The following IPCEF1 variants were observed in gnomAD, a reference collection of about 807,000 sequenced individuals.
IPCEF1 encodes interactor protein for cytohesin exchange factors 1.
In IPCEF1, 31 loss-of-function variants were observed where a neutral mutation model predicts 50.9. That is an observed-to-expected ratio of 0.61 (90% CI 0.46 to 0.82). IPCEF1 has a LOEUF of 0.82. Ranked by LOEUF, IPCEF1 falls within the 40% of genes least tolerant of loss-of-function variation. The probability of loss-of-function intolerance (pLI) is 0.00; values close to 1 mark genes in which losing one functional copy is unlikely to be tolerated. For synonymous variants in IPCEF1, 181 were observed against 192.0 expected, an observed-to-expected ratio of 0.94 and a Z score of 0.47; for missense variants, 458 against 514.0, an observed-to-expected ratio of 0.89 and a Z score of 1.05.
chr6:154,325,992 G>A (rs1322356880), intron 1 of IPCEF1, among the ~76,000 whole-genome samples: 8 of 152,036 alleles, frequency 5.3e-5, no homozygotes, highest in Non-Finnish European at 1.2e-4. Flanking sequence ...TTGGGAGGCC[G>A]AGGCAGGTGG....
chr6:154,289,905 G>A (rs183911248), intron 1 of IPCEF1, 149 bp from the exon 2 acceptor site: 6 of 152,182 alleles, frequency 3.9e-5, no homozygotes, highest in South Asian at 2.1e-4. Flanking sequence ...GTTGATCATC[G>A]TGATAATGTT....
intron 1 of IPCEF1, among the ~76,000 whole-genome samples, chr6:154,297,767 C>T (rs1782700344): frequency 6.6e-6 from 1 of 152,172 alleles, no homozygotes; most frequent in African/African-American, 2.4e-5. Flanking sequence ...AGTTTTGTGT[C>T]TGCAAGGCCT....
chr6:154,220,668 T>A (rs540892577), intron 7 of IPCEF1, among the ~76,000 whole-genome samples: 1 of 152,212 alleles, frequency 6.6e-6, no homozygotes, highest in African/African-American at 2.4e-5. Context: ...AAATAACAGC[T>A]ATTGTGATCA....
At chr6:154,251,858 A>G (rs1781344980) in intron 3 of IPCEF1, among the ~76,000 whole-genome samples, 1 of 152,112 alleles carries the variant, frequency 6.6e-6, no homozygotes, top group African/African-American at 2.4e-5. Context: ...GAGAAGACGG[A>G]AGAAGGAGGA....
At chr6:154,261,825 C>A (rs924962135) in intron 3 of IPCEF1, among the ~76,000 whole-genome samples, 3 of 152,094 alleles carry the variant, frequency 2.0e-5, no homozygotes, top group South Asian at 2.1e-4. Context: ...CCCCCTACCC[C>A]CAACAAGATG....
chr6:154,283,140 A>C (rs1403056998), intron 2 of IPCEF1, among the ~76,000 whole-genome samples: 1 of 151,716 alleles, frequency 6.6e-6, no homozygotes, highest in African/African-American at 2.4e-5. Context: ...CTAAAACTAC[A>C]AAAAAATTAG....
At chr6:154,229,339 T>C (rs560874684) in intron 5 of IPCEF1, among the ~76,000 whole-genome samples, 3 of 146,916 alleles carry the variant, frequency 2.0e-5, no homozygotes, top group Non-Finnish European at 3.0e-5. Flanking sequence ...TGTGGAAAAG[T>C]TTGCCGGTTT....
intron 3 of IPCEF1, among the ~76,000 whole-genome samples, chr6:154,256,787 G>C (rs1781473280): frequency 6.6e-6 from 1 of 152,146 alleles, no homozygotes; most frequent in Non-Finnish European, 1.5e-5. Flanking sequence ...CTTTATGATA[G>C]TACAAAAGCA....
chr6:154,350,680 A>C (rs1784105107), intron 1 of IPCEF1, among the ~76,000 whole-genome samples: 1 of 152,174 alleles, frequency 6.6e-6, no homozygotes, highest in Non-Finnish European at 1.5e-5. Context: ...CTAAGTATAT[A>C]CGCTTACTTT....
At chr6:154,288,998 G>A (rs1022838553) in intron 2 of IPCEF1, among the ~76,000 whole-genome samples, 5 of 152,084 alleles carry the variant, frequency 3.3e-5, no homozygotes, top group South Asian at 2.1e-4. Flanking sequence ...AGTGAGCCAC[G>A]ATCATGCCAC....
At chr6:154,263,072 C>A (rs946016298) in intron 3 of IPCEF1, among the ~76,000 whole-genome samples, 1 of 151,890 alleles carries the variant, frequency 6.6e-6, no homozygotes, top group Non-Finnish European at 1.5e-5. Context: ...CCATGCCCAG[C>A]CATGCTTATA....
chr6:154,167,730 C>T (rs965614269), intron 11 of IPCEF1, among the ~76,000 whole-genome samples, 190 bp downstream of exon 11: 6 of 152,084 alleles, frequency 3.9e-5, no homozygotes, highest in African/African-American at 1.2e-4. Context: ...CTGCCTTGGG[C>T]GCTACTGTGT....
chr6:154,304,889 A>T (rs760833135), intron 1 of IPCEF1, among the ~76,000 whole-genome samples: 1 of 152,176 alleles, frequency 6.6e-6, no homozygotes, highest in African/African-American at 2.4e-5. Context: ...CGAGGTGGGC[A>T]GATCACCTGA....
chr6:154,235,785 T>C (rs781022901), intron 5 of IPCEF1, among the ~76,000 whole-genome samples: 33 of 152,154 alleles, frequency 2.2e-4, no homozygotes, highest in Non-Finnish European at 4.6e-4. Flanking sequence ...AATAAGCACA[T>C]GCGAAAGTTG....
intron 2 of IPCEF1, among the ~76,000 whole-genome samples, chr6:154,284,698 G>T (rs914378093): frequency 6.6e-6 from 1 of 152,162 alleles, no homozygotes; most frequent in Non-Finnish European, 1.5e-5. Flanking sequence ...AACATACAGT[G>T]TGGGTAAGAA....
At chr6:154,338,945 A>G (rs529292231) in intron 1 of IPCEF1, among the ~76,000 whole-genome samples, 3 of 152,182 alleles carry the variant, frequency 2.0e-5, no homozygotes, top group Non-Finnish European at 4.4e-5. Context: ...CTCTAAAAAA[A>G]TAAGAAAAAT....
chr6:154,237,941 T>C (rs1353686919), intron 5 of IPCEF1, among the ~76,000 whole-genome samples: 1 of 152,222 alleles, frequency 6.6e-6, no homozygotes, highest in African/African-American at 2.4e-5. Flanking sequence ...TTAGTGTGTG[T>C]GCACTTATGT....
chr6:154,160,272 T>C (rs1355292152), intron 11 of IPCEF1, among the ~76,000 whole-genome samples: 2 of 152,194 alleles, frequency 1.3e-5, no homozygotes, highest in Non-Finnish European at 2.9e-5. Flanking sequence ...GAGCTAGACA[T>C]ATAGCAAAGA....
intron 3 of IPCEF1, among the ~76,000 whole-genome samples, chr6:154,261,138 G>A (rs921071685): frequency 5.9e-5 from 9 of 152,038 alleles, no homozygotes; most frequent in Admixed American, 4.6e-4. Flanking sequence ...GGGCCCAAGC[G>A]ATCCACCCAC....
Sources: gnomAD v4.1 joint callset for allele counts (sites outside exome capture counted in the v4.1 genomes callset) on GRCh38, gnomAD v4.1.1 for gene constraint, MANE v1.5 for transcripts, NCBI Gene and HGNC (gene_info 2026-07-23, HGNC 2026-07-21) for gene names.